Variants in SEC63 observed in about 807,000 individuals in gnomAD.
SEC63 encodes translocation protein SEC63 homolog.
A neutral mutation model predicts 116.2 loss-of-function variants in SEC63; 56 were observed. The ratio of observed to expected loss-of-function variants is 0.48; its 90% confidence interval spans 0.39 to 0.60. The LOEUF (loss-of-function observed/expected upper bound fraction) is 0.60, where lower values mean the gene tolerates loss of function less well. SEC63 is among the 20% of genes least tolerant of loss of function. The pLI is 0.00. For synonymous variants in SEC63, 273 were observed against 294.6 expected (o/e 0.93, Z 0.75); for missense variants, 668 against 900.0 (o/e 0.74, Z 3.30).
At chr6:107,927,218 A>T (rs1466586633) in intron 2 of SEC63, among the ~76,000 whole-genome samples, 1 of 152,080 alleles carries the variant, frequency 6.6e-6, no homozygotes, top group African/African-American at 2.4e-5. Flanking sequence ...ACGCACCACC[A>T]TGCCTGGCTA....
At chr6:107,891,746 G>A (rs753742314) in intron 16 of SEC63, among the ~76,000 whole-genome samples, 3 of 152,182 alleles carry the variant, frequency 2.0e-5, no homozygotes, top group Non-Finnish European at 2.9e-5. Flanking sequence ...GGGTCTCTGA[G>A]TGGACGTCCT....
intron 1 of SEC63, among the ~76,000 whole-genome samples, chr6:107,940,263 C>G (rs111625643): frequency 6.8e-4 from 104 of 152,140 alleles, no homozygotes; most frequent in African/African-American, 2.3e-3. Flanking sequence ...CCTGAACAAT[C>G]TAAGTGCAAA....
chr6:107,872,521 T>C lies in SEC63; in HGVS notation c.2139+287A>G, dbSNP rs494630. On this transcript the variant is annotated intron_variant, in intron 20 of 20. Coordinates refer to ENST00000369002, the MANE Select transcript of SEC63 (RefSeq NM_007214.5). ...TGTGGTTTAAAAAAAAAAAGTGCCT[T>C]TCTAAAGAAAAAAGAACCCATTTGC... Among the ~76,000 whole-genome samples, 132,149 of 151,754 alleles carry C rather than the reference T, an allele frequency of 0.87. 57,722 individuals are homozygous for C. The highest frequency in any genetic ancestry group is 0.92 in the Middle Eastern group (271 of 294).
At chr6:107,938,875 TTCTTA>T (rs1770312665) in intron 1 of SEC63, among the ~76,000 whole-genome samples, 1 of 152,164 alleles carries the variant, frequency 6.6e-6, no homozygotes, top group African/African-American at 2.4e-5. Context: ...AGTAAATCCT[TTCTTA>T]TAATACCGAA....
In SEC63 at chr6:107,888,599, G is replaced by A. The variant is rs1314720639; in HGVS notation, c.1674+4883C>T. Among the ~76,000 whole-genome samples the A allele has an allele frequency of 4.6e-5, 7 of 152,130 alleles. No homozygotes were observed. In the South Asian group the frequency reaches 8.3e-4, roughly 18 times the overall value. ...CACTCTTTATTTCTTTCTCTTGCCT[G>A]ACTGCCCTGGCCAGAACTTCCAATA... is the stretch of plus-strand genomic sequence containing the variant. On this transcript the variant is annotated intron_variant, in intron 16 of 20. Coordinates refer to ENST00000369002, the MANE Select transcript of SEC63 (RefSeq NM_007214.5).
chr6:107,896,267 C>T (rs1786815295), intron 14 of SEC63, among the ~76,000 whole-genome samples: 1 of 152,150 alleles, frequency 6.6e-6, no homozygotes, highest in Non-Finnish European at 1.5e-5. Flanking sequence ...ATTTCAGGAC[C>T]AGCCTGGCCA....
intron 4 of SEC63, among the ~76,000 whole-genome samples, chr6:107,917,269 A>C (rs1160764958): frequency 1.3e-5 from 2 of 152,196 alleles, no homozygotes; most frequent in Admixed American, 6.5e-5. Context: ...AACAATGCTA[A>C]TGACTGGTTT....
intron 4 of SEC63, among the ~76,000 whole-genome samples, chr6:107,917,270 T>C (rs1787427679): frequency 6.6e-6 from 1 of 152,238 alleles, no homozygotes; most frequent in Admixed American, 6.5e-5. Flanking sequence ...ACAATGCTAA[T>C]GACTGGTTTG....
At chr6:107,900,746 A>C (rs6938487) in intron 13 of SEC63, among the ~76,000 whole-genome samples, 132,502 of 152,166 alleles carry the variant, frequency 0.87, 57,861 homozygotes, top group Middle Eastern at 0.92. Context: ...ATAGTAACTT[A>C]GCAAATGTTA....
chr6:107,872,275 C>CA (rs1239318626), intron 20 of SEC63, among the ~76,000 whole-genome samples: 1 of 151,920 alleles, frequency 6.6e-6, no homozygotes, highest in Non-Finnish European at 1.5e-5. Flanking sequence ...CCTCATGGAA[C>CA]AAAAAAGAGG....
chr6:107,907,862 C>T (rs995595182), intron 8 of SEC63, among the ~76,000 whole-genome samples: 2 of 152,180 alleles, frequency 1.3e-5, no homozygotes, highest in African/African-American at 4.8e-5. Flanking sequence ...CTAAACAATG[C>T]TTCTCTGACA....
chr6:107,890,980 T>A lies in SEC63; in HGVS notation c.1674+2502A>T, dbSNP rs60390056. On this transcript the variant is annotated intron_variant, in intron 16 of 20. Coordinates refer to ENST00000369002, the MANE Select transcript of SEC63 (RefSeq NM_007214.5). ...CTTCCCTTTGTGGGTAACCCGATCT[T>A]TCTCTCTGGCTCCCTTTAACATTTT... Among the ~76,000 whole-genome samples the A allele has an allele frequency of 3.0e-3, 457 of 152,368 alleles. 4 individuals are homozygous for A. Among genetic ancestry groups the A allele is most frequent in the African/African-American group, 0.01 (436 of 41,586 alleles).
At position 107,956,928 on chromosome 6, in the gene SEC63, C is replaced by T. The variant is rs535312053; in HGVS notation, c.124+958G>A. 2.5e-4 allele frequency among the ~76,000 whole-genome samples: 38 copies of T among 152,230 alleles called. No individual in the cohort carries two copies. In the East Asian group the frequency reaches 6.4e-3, roughly 25 times the overall value. On this transcript the variant is annotated intron_variant, in intron 1 of 20. Transcript: ENST00000369002. ...AGCTCTTGTGCAATAGAAAGCTTTCCCTAAGTTGTTAATACTCAAAACCCA... is the reference window on the plus strand; with the variant it reads ...AGCTCTTGTGCAATAGAAAGCTTTCTCTAAGTTGTTAATACTCAAAACCCA...
chr6:107,935,331 G>A (rs575987858), intron 1 of SEC63, among the ~76,000 whole-genome samples: 7 of 151,826 alleles, frequency 4.6e-5, no homozygotes, highest in East Asian at 1.9e-4. Context: ...TGACAATGGC[G>A]GTTTTGTGGA....
intron 1 of SEC63, among the ~76,000 whole-genome samples, chr6:107,947,448 G>A (rs1309250441): frequency 2.0e-5 from 3 of 151,798 alleles, no homozygotes; most frequent in Non-Finnish European, 2.9e-5. Flanking sequence ...CGGTGTGCAC[G>A]TGCAGTTCTA....
At chr6:107,911,515 T>C (rs1381740549) in intron 6 of SEC63, 119 bp from the exon 7 acceptor site, 3 of 726,656 alleles carry the variant, frequency 4.1e-6, no homozygotes, top group Non-Finnish European at 7.4e-6. Flanking sequence ...TCATGTATTA[T>C]CTTGTTTAAT....
chr6:107,905,465 A>G (rs1787128814), intron 10 of SEC63, among the ~76,000 whole-genome samples: 2 of 152,230 alleles, frequency 1.3e-5, no homozygotes, highest in Admixed American at 1.3e-4. Flanking sequence ...TCATTCAAAA[A>G]GAACATTTAT....
rs189085020 is a variant in SEC63, at chr6:107,880,606, A to G, written c.1935+543T>C. Reference sequence around the variant, plus strand: ...GGGGCTCAGTTATGATCAAGCTCTTATGGAACTTTATTTATTAGAGCCAAG... The same window carrying G: ...GGGGCTCAGTTATGATCAAGCTCTTGTGGAACTTTATTTATTAGAGCCAAG... On this transcript the variant is annotated intron_variant, in intron 18 of 20. Coordinates refer to ENST00000369002, the MANE Select transcript of SEC63 (RefSeq NM_007214.5). Among the ~76,000 whole-genome samples the G allele has an allele frequency of 5.3e-5, 8 of 152,332 alleles. No individual in the cohort carries two copies. The East Asian group carries it at 1.2e-3, about 22-fold the overall frequency.
chr6:107,921,949 C>G, intron 3 of SEC63, 40 bp from the exon 4 acceptor site: 1 of 1,115,596 alleles, frequency 9.0e-7, no homozygotes, highest in Non-Finnish European at 1.4e-6. Flanking sequence ...TTTCTGTTAG[C>G]AAAAATAAGC....
Sources: gnomAD v4.1 joint callset for allele counts (sites outside exome capture counted in the v4.1 genomes callset) on GRCh38, gnomAD v4.1.1 for gene constraint, MANE v1.5 for transcripts, NCBI Gene and HGNC (gene_info 2026-07-23, HGNC 2026-07-21) for gene names.